Variants in PCDH9 observed in about 807,000 individuals in gnomAD.
The protein encoded by PCDH9 is protocadherin-9.
A neutral mutation model predicts 70.6 loss-of-function variants in PCDH9; 24 were observed. That is an observed-to-expected ratio of 0.34 (90% CI 0.25 to 0.48). The LOEUF (loss-of-function observed/expected upper bound fraction) is 0.48, where lower values mean the gene tolerates loss of function less well. Among genes scored for constraint, PCDH9 ranks in the 20% least tolerant of loss-of-function variants. The pLI is 0.99. For synonymous variants in PCDH9, 562 were observed against 558.5 expected (o/e 1.01, Z -0.09); for missense variants, 1,281 against 1,503.6 (o/e 0.85, Z 2.45).
intron 4 of PCDH9, among the ~76,000 whole-genome samples, chr13:66,314,639 T>C (rs1055051053): frequency 1.3e-5 from 2 of 152,234 alleles, no homozygotes; most frequent in African/African-American, 2.4e-5. Flanking sequence ...GGATTACTAA[T>C]TGGCATTTTC....
intron 4 of PCDH9, among the ~76,000 whole-genome samples, chr13:66,364,335 A>G (rs535913924): frequency 7.2e-5 from 11 of 152,326 alleles, no homozygotes; most frequent in African/African-American, 1.9e-4. Context: ...AACTAGAAGG[A>G]GGAAGAAACC....
chr13:67,161,411 A>T (rs547029187), intron 2 of PCDH9, among the ~76,000 whole-genome samples: 42 of 152,288 alleles, frequency 2.8e-4, no homozygotes, highest in African/African-American at 9.4e-4. Context: ...AGCTACATCC[A>T]TGCTTAAAGC....
intron 3 of PCDH9, among the ~76,000 whole-genome samples, chr13:66,890,291 G>T (rs2082074102): frequency 6.6e-6 from 1 of 151,910 alleles, no homozygotes; most frequent in Non-Finnish European, 1.5e-5. Flanking sequence ...GGTTTATTGG[G>T]TTATCATTTG....
At chr13:66,530,996 C>G (rs1960426103) in intron 4 of PCDH9, among the ~76,000 whole-genome samples, 1 of 151,846 alleles carries the variant, frequency 6.6e-6, no homozygotes, top group Non-Finnish European at 1.5e-5. Flanking sequence ...TTTAAATCAT[C>G]CATTGTGTTT....
At chr13:66,563,276 G>C (rs923670233) in intron 4 of PCDH9, among the ~76,000 whole-genome samples, 1 of 152,080 alleles carries the variant, frequency 6.6e-6, no homozygotes, top group African/African-American at 2.4e-5. Flanking sequence ...CCAAAAACCT[G>C]AGTCATCCTT....
At chr13:66,826,696 T>C (rs1451837658) in intron 3 of PCDH9, among the ~76,000 whole-genome samples, 1 of 151,738 alleles carries the variant, frequency 6.6e-6, no homozygotes, top group African/African-American at 2.4e-5. Context: ...ATGAAGAAAA[T>C]AATACAAAAC....
intron 4 of PCDH9, among the ~76,000 whole-genome samples, chr13:66,613,895 G>T (rs1310722191): frequency 6.6e-6 from 1 of 152,146 alleles, no homozygotes; most frequent in African/African-American, 2.4e-5. Flanking sequence ...AAGACTATTA[G>T]TAAAATGCAG....
chr13:67,158,625 A>G (rs1234129240), intron 2 of PCDH9, among the ~76,000 whole-genome samples: 1 of 152,210 alleles, frequency 6.6e-6, no homozygotes, highest in Non-Finnish European at 1.5e-5. Context: ...TTCACCAGAC[A>G]CCAGATCTGC....
intron 4 of PCDH9, among the ~76,000 whole-genome samples, chr13:66,450,317 T>C (rs919555215): frequency 6.6e-6 from 1 of 152,176 alleles, no homozygotes; most frequent in Admixed American, 6.5e-5. Context: ...TAAAGATGAT[T>C]AGGAGTCTAT....
chr13:66,606,683 A>C (rs1460393680), intron 4 of PCDH9, among the ~76,000 whole-genome samples: 2 of 152,154 alleles, frequency 1.3e-5, no homozygotes, highest in Non-Finnish European at 2.9e-5. Flanking sequence ...TCATTAGTAC[A>C]TCTGTCCTAA....
chr13:67,068,288 T>C (rs2085691429), intron 2 of PCDH9, among the ~76,000 whole-genome samples: 1 of 151,736 alleles, frequency 6.6e-6, no homozygotes, highest in Non-Finnish European at 1.5e-5. Flanking sequence ...AAGTTTATTT[T>C]ATTATGAAAA....
intron 4 of PCDH9, among the ~76,000 whole-genome samples, chr13:66,621,578 A>C (rs888806715): frequency 6.6e-6 from 1 of 152,226 alleles, no homozygotes; most frequent in East Asian, 1.9e-4. Context: ...AGACTCATAA[A>C]CTATGTGGCT....
chr13:66,673,072 G>T (rs2078198607), intron 3 of PCDH9, among the ~76,000 whole-genome samples: 1 of 152,122 alleles, frequency 6.6e-6, no homozygotes, highest in South Asian at 2.1e-4. Context: ...ATGAGATTTG[G>T]AAGGGGCCAG....
chr13:66,405,511 A>T (rs1396592688), intron 4 of PCDH9, among the ~76,000 whole-genome samples: 1 of 152,210 alleles, frequency 6.6e-6, no homozygotes, highest in Non-Finnish European at 1.5e-5. Flanking sequence ...TCCATAGATC[A>T]TCTGAACAGA....
intron 3 of PCDH9, among the ~76,000 whole-genome samples, chr13:66,796,923 A>T (rs1227099550): frequency 6.6e-6 from 1 of 152,110 alleles, no homozygotes; most frequent in African/African-American, 2.4e-5. Context: ...GCAGATGAAG[A>T]CTTTAAAAGA....
chr13:66,697,781 C>T (rs905507949), intron 3 of PCDH9, among the ~76,000 whole-genome samples: 3 of 152,066 alleles, frequency 2.0e-5, no homozygotes, highest in African/African-American at 7.2e-5. Flanking sequence ...TGGGTATTTA[C>T]CCAAAAGAAG....
chr13:66,800,138 G>T (rs538291266), intron 3 of PCDH9, among the ~76,000 whole-genome samples: 29 of 152,088 alleles, frequency 1.9e-4, no homozygotes, highest in African/African-American at 6.7e-4. Flanking sequence ...GTCACCAAAG[G>T]TTACACTATT....
chr13:66,637,185 T>C (rs574988319), intron 3 of PCDH9, among the ~76,000 whole-genome samples: 11 of 152,130 alleles, frequency 7.2e-5, no homozygotes, highest in Non-Finnish European at 1.3e-4. Context: ...CCAAAACTCA[T>C]TGTGGTTTAG....
intron 4 of PCDH9, among the ~76,000 whole-genome samples, chr13:66,445,987 A>G (rs1958081258): frequency 2.0e-5 from 3 of 151,810 alleles, no homozygotes; most frequent in Admixed American, 2.0e-4. Flanking sequence ...ATATTACATA[A>G]TCTGGAAATT....
Sources: gnomAD v4.1 joint callset for allele counts (sites outside exome capture counted in the v4.1 genomes callset) on GRCh38, gnomAD v4.1.1 for gene constraint, MANE v1.5 for transcripts, NCBI Gene and HGNC (gene_info 2026-07-23, HGNC 2026-07-21) for gene names.